TPGS2: variants seen among roughly 807,000 people sequenced by gnomAD.
TPGS2 encodes the protein tubulin polyglutamylase complex subunit 2.
TPGS2 carries 26 observed loss-of-function variants against 31.1 expected under a neutral mutation model. That is an observed-to-expected ratio of 0.84 (90% CI 0.61 to 1.16). The LOEUF (loss-of-function observed/expected upper bound fraction) is 1.16. Among genes scored for constraint, TPGS2 ranks in the 50% most tolerant of loss-of-function variants. The pLI, the probability that TPGS2 is intolerant of heterozygous loss-of-function variation, is 0.00. For synonymous variants in TPGS2, 130 were observed against 136.6 expected, an observed-to-expected ratio of 0.95 and a Z score of 0.34; for missense variants, 351 against 363.8, an observed-to-expected ratio of 0.96 and a Z score of 0.29.
intron 6 of TPGS2, among the ~76,000 whole-genome samples, chr18:36,787,257 G>C (rs1171432266): frequency 6.6e-6 from 1 of 152,170 alleles, no homozygotes; most frequent in African/African-American, 2.4e-5. Context: ...TGCAGTATGT[G>C]GACTATTCAG....
At chr18:36,807,079 G>A (rs1027880399) in intron 3 of TPGS2, among the ~76,000 whole-genome samples, 2 of 151,982 alleles carry the variant, frequency 1.3e-5, no homozygotes, top group Non-Finnish European at 2.9e-5. Context: ...AAGTAGATCT[G>A]GTTGGAGTCA....
downstream of TPGS2, among the ~76,000 whole-genome samples, chr18:36,792,844 A>G (rs770736996): frequency 3.3e-5 from 5 of 152,228 alleles, no homozygotes; most frequent in African/African-American, 4.8e-5. Context: ...TTTATGTACA[A>G]TCTTAGCTAC....
chr18:36,805,838 C>T (rs556238255), intron 3 of TPGS2, among the ~76,000 whole-genome samples: 92 of 152,216 alleles, frequency 6.0e-4, no homozygotes, highest in African/African-American at 2.1e-3. Flanking sequence ...AATGTTTTTG[C>T]TCCCTCTTTC....
At chr18:36,813,519 A>C (rs1277694266) in intron 2 of TPGS2, among the ~76,000 whole-genome samples, 2 of 152,248 alleles carry the variant, frequency 1.3e-5, no homozygotes, top group Non-Finnish European at 2.9e-5. Context: ...TTTTGTAAAA[A>C]TGTTTCATTT....
intron 6 of TPGS2, among the ~76,000 whole-genome samples, chr18:36,788,118 T>C (rs901497362): frequency 1.5e-4 from 23 of 152,200 alleles, no homozygotes; most frequent in African/African-American, 5.6e-4. Context: ...TGAATTCTGT[T>C]TCTGATATTA....
intron 2 of TPGS2, among the ~76,000 whole-genome samples, chr18:36,816,451 C>T (rs922263455): frequency 6.6e-6 from 1 of 152,188 alleles, no homozygotes; most frequent in Non-Finnish European, 1.5e-5. Context: ...TGGTACAAGA[C>T]ACAAGGAAGA....
intron 6 of TPGS2, among the ~76,000 whole-genome samples, chr18:36,784,175 G>T (rs534686273): frequency 6.6e-6 from 1 of 152,338 alleles, no homozygotes; most frequent in Non-Finnish European, 1.5e-5. Context: ...AATTTCTGTT[G>T]TTATAAACCA....
chr18:36,785,967 A>G (rs893401474), intron 6 of TPGS2, among the ~76,000 whole-genome samples: 2 of 152,268 alleles, frequency 1.3e-5, no homozygotes, highest in Middle Eastern at 3.4e-3. Flanking sequence ...AGCTATGAAT[A>G]TTTATGAAGG....
chr18:36,780,633 C>G (rs2043986702), downstream of TPGS2, among the ~76,000 whole-genome samples: 1 of 152,110 alleles, frequency 6.6e-6, no homozygotes, highest in African/African-American at 2.4e-5. Flanking sequence ...TATTATGTAC[C>G]TAGGCTATAT....
intron 4 of TPGS2, among the ~76,000 whole-genome samples, chr18:36,801,355 G>A (rs1170143624): frequency 6.6e-6 from 1 of 152,092 alleles, no homozygotes; most frequent in Admixed American, 6.6e-5. Context: ...GAGACAGACA[G>A]GGTCTCCACT....
In TPGS2 at chr18:36,794,679, A is replaced by T. The variant is rs2044439020; in HGVS notation, c.*2126T>A. The stretch of plus-strand genomic sequence containing the variant: ...AAATACTTCTGGAAGACTAAACTCC[A>T]GCTATTGTCCTCAACAACTTGGTCT... On this transcript the variant is annotated 3_prime_UTR_variant, in exon 7 of 7. Transcript: ENST00000334295. The T allele has an allele frequency of 3.0e-6, 3 of 985,382 alleles. No homozygotes were observed. Among genetic ancestry groups the T allele is most frequent in the Non-Finnish European group, 3.6e-6 (3 of 829,934 alleles). The allele number at this position is 985,382 out of a possible 1,614,324, so 61.0% of individuals were successfully genotyped here.
chr18:36,803,391 C>T (rs971529207), intron 4 of TPGS2, among the ~76,000 whole-genome samples: 2 of 152,036 alleles, frequency 1.3e-5, no homozygotes, highest in Non-Finnish European at 2.9e-5. Flanking sequence ...TGTCAGTGTG[C>T]TTATTATTCC....
At chr18:36,780,125 G>A, downstream of TPGS2, 1 of 1,232,038 alleles carries the variant, frequency 8.1e-7, no homozygotes, top group Non-Finnish European at 1.0e-6. Context: ...TCTTCAGAAT[G>A]GCAAAACTCT....
intron 6 of TPGS2, among the ~76,000 whole-genome samples, chr18:36,787,889 G>C (rs1028372352): frequency 2.0e-5 from 3 of 152,200 alleles, no homozygotes; most frequent in African/African-American, 7.2e-5. Flanking sequence ...CTGTCAGCAG[G>C]TGTTATGAAA....
At position 36,794,952 on chromosome 18, in the gene TPGS2, T is replaced by G. The variant is rs192956251; in HGVS notation, c.*1853A>C. ...GAAAAGGTAAGAGGTCTCGCTATTT[T>G]AAAGCAAATGAAGAAGCTGTTAATA... On this transcript the variant is annotated 3_prime_UTR_variant, in exon 7 of 7. Coordinates refer to ENST00000334295, the MANE Select transcript of TPGS2 (RefSeq NM_015476.4). The G allele has an allele frequency of 1.2e-4, 117 of 985,200 alleles. No individual in the cohort carries two copies. The African/African-American group carries it at 2.0e-3, about 17-fold the overall frequency. The allele number at this position is 985,200 out of a possible 1,614,324, so 61.0% of individuals were successfully genotyped here. A position where few individuals can be genotyped will look rare whatever the true frequency, so the allele number is the denominator to read the frequency against.
chr18:36,823,483 CG>C (rs1312330064), intron 1 of TPGS2, among the ~76,000 whole-genome samples: 1 of 56,468 alleles, frequency 1.8e-5, no homozygotes, highest in Admixed American at 1.7e-4. Flanking sequence ...TTTTTTGAGA[CG>C]GAGTCTCGCT....
intron 5 of TPGS2, 77 bp from the exon 6 acceptor site, chr18:36,798,686 C>CCTG: frequency 6.6e-7 from 1 of 1,511,258 alleles, no homozygotes; most frequent in South Asian, 1.4e-5. Context: ...AAAGGTTATA[C>CCTG]TCATGGCCTT....
At chr18:36,789,777 T>C (rs2150531968), downstream of TPGS2, 1 of 152,328 alleles carries the variant, frequency 6.6e-6, no homozygotes, top group Non-Finnish European at 1.5e-5. Context: ...CTCATGGTAG[T>C]TAATAAGTCT....
At chr18:36,828,354 TA>T (rs2150729470) in intron 1 of TPGS2, among the ~76,000 whole-genome samples, 1 of 152,128 alleles carries the variant, frequency 6.6e-6, no homozygotes, top group Admixed American at 6.5e-5. Context: ...GAATGCCTCC[TA>T]GGGGGAGATC....
Sources: allele counts gnomAD v4.1 joint callset (sites outside exome capture counted in the v4.1 genomes callset), GRCh38; gene constraint gnomAD v4.1.1; transcripts MANE v1.5; gene names NCBI Gene and HGNC (gene_info 2026-07-23, HGNC 2026-07-21).